ZEB2: variants seen among roughly 807,000 people sequenced by gnomAD.
The protein encoded by ZEB2 is zinc finger E-box binding homeobox 2, also known as zinc finger E-box-binding homeobox 2.
ZEB2 carries 6 observed loss-of-function variants against 99.9 expected under a neutral mutation model. The ratio of observed to expected loss-of-function variants is 0.06; its 90% CI spans 0.03 to 0.12. ZEB2 has a LOEUF of 0.12. Ranked by LOEUF, ZEB2 falls within the 10% of genes least tolerant of loss-of-function variation. The pLI, the probability that ZEB2 is intolerant of heterozygous loss-of-function variation, is 1.00. For missense variants in ZEB2, 969 were observed against 1,502.8 expected, an observed-to-expected ratio of 0.64 and a Z score of 5.87; for synonymous variants, 517 against 542.5, an observed-to-expected ratio of 0.95 and a Z score of 0.65.
intron 2 of ZEB2, among the ~76,000 whole-genome samples, chr2:144,453,022 C>G (rs936482189): frequency 7.9e-5 from 12 of 152,096 alleles, no homozygotes; most frequent in African/African-American, 2.2e-4. Context: ...AGTCTATCAT[C>G]TTATTTAGTT....
chr2:144,498,826 A>C (rs1704827859), intron 2 of ZEB2, among the ~76,000 whole-genome samples: 1 of 152,182 alleles, frequency 6.6e-6, no homozygotes. Context: ...AGATCCCTTG[A>C]GCCCAGGAAT....
chr2:144,436,999 T>G (rs1009489224), intron 2 of ZEB2, among the ~76,000 whole-genome samples: 1 of 152,216 alleles, frequency 6.6e-6, no homozygotes, highest in African/African-American at 2.4e-5. Context: ...CCTGTATATC[T>G]AGGACTCATA....
intron 2 of ZEB2, among the ~76,000 whole-genome samples, chr2:144,509,114 A>G (rs1327527741): frequency 6.6e-6 from 1 of 152,216 alleles, no homozygotes; most frequent in East Asian, 1.9e-4. Flanking sequence ...AAACTGCTAG[A>G]GCCAGAATTC....
In ZEB2 at chr2:144,399,525, T is replaced by C. The variant is rs925979597; in HGVS notation, c.1662A>G (p.Ile554Met). The C allele has an allele frequency of 4.3e-6, 7 of 1,614,096 alleles. No homozygotes were observed. The highest frequency in any genetic ancestry group is 5.9e-6 in the Non-Finnish European group (7 of 1,180,030). Residue 554 changes from isoleucine (I) to methionine (M), a missense_variant, in exon 8 of 10, where the codon ATA (isoleucine) becomes ATG (methionine). Ile to Met is a conservative substitution (Grantham distance 10). Around this residue, in one of 8 missense-constraint regions of ZEB2, gnomAD observed 227 missense variants for 278.2 expected, o/e 0.82. Coordinates refer to ENST00000627532, the MANE Select transcript of ZEB2 (RefSeq NM_014795.4). This position sits in a 1 kb window ranked among gnomAD's most constrained non-coding sequence, Gnocchi z 5.6. ...TTAAAGTACGTAGCTTCTCTTTCTTTATATTACTGATCTGTCTCCTTGAGT... is the reference window on the plus strand; with the variant it reads ...TTAAAGTACGTAGCTTCTCTTTCTTCATATTACTGATCTGTCTCCTTGAGT... ...TTDSRRQISN[I>M]KKEKLRTLID... is the part of the protein sequence containing the mutation.
chr2:144,415,063 AT>A (rs541312850), intron 4 of ZEB2, among the ~76,000 whole-genome samples: 138 of 134,708 alleles, frequency 1.0e-3, no homozygotes, highest in East Asian at 3.8e-3. Flanking sequence ...TTATTCTTAC[AT>A]TTTTTTTTTT....
chr2:144,408,078 A>C (rs1703411525), intron 4 of ZEB2, among the ~76,000 whole-genome samples: 1 of 152,202 alleles, frequency 6.6e-6, no homozygotes, highest in Non-Finnish European at 1.5e-5. Flanking sequence ...GAGGTAATTC[A>C]ATTGCTAGAT....
intron 2 of ZEB2, among the ~76,000 whole-genome samples, chr2:144,476,103 C>A (rs1039212253): frequency 1.3e-5 from 2 of 152,174 alleles, no homozygotes; most frequent in African/African-American, 4.8e-5. Context: ...TTACTTACTG[C>A]TCCTGTGTAC....
chr2:144,488,558 CT>C lies in ZEB2; in HGVS notation c.73+28719del, dbSNP rs529777847. Reference sequence around the variant, plus strand: ...TTAATTAAAGGAAGAAAATCCATGACTTTTTTTTTTGGATGTATTGTCATTC... The same window carrying C: ...TTAATTAAAGGAAGAAAATCCATGACTTTTTTTTTGGATGTATTGTCATTC... On this transcript the variant is annotated intron_variant, in intron 2 of 9. Transcript: ENST00000627532. Among the ~76,000 whole-genome samples, 435 of 147,950 alleles carry C rather than the reference CT, an allele frequency of 2.9e-3. 1 individual carries two copies. Among genetic ancestry groups the C allele is most frequent in the Non-Finnish European group, 5.2e-3 (346 of 66,620 alleles).
intron 2 of ZEB2, among the ~76,000 whole-genome samples, chr2:144,446,465 C>A (rs76130508): frequency 6.6e-6 from 1 of 151,914 alleles, no homozygotes; most frequent in Non-Finnish European, 1.5e-5. Flanking sequence ...AATTAAGTCA[C>A]GTAGTCAATA....
At chr2:144,511,796 AAAG>A in intron 2 of ZEB2, 2 of 1,286,724 alleles carry the variant, frequency 1.6e-6, no homozygotes, top group Non-Finnish European at 2.0e-6. Flanking sequence ...TAAAGACAGA[AAAG>A]AAGTAAAGAG....
intron 9 of ZEB2, 28 bp from the exon 10 acceptor site, chr2:144,390,056 G>A (rs376653666): frequency 1.3e-6 from 2 of 1,596,628 alleles, no homozygotes; most frequent in Non-Finnish European, 1.7e-6. Context: ...ATGACAGGGT[G>A]ATTAGTGTCT....
chr2:144,461,096 T>TTTA (rs1704187211), intron 2 of ZEB2: 1 of 33,522 alleles, frequency 3.0e-5, no homozygotes, highest in Non-Finnish European at 7.5e-5. Flanking sequence ...TTCTTTTCTT[T>TTTA]TTCTTTTTTT....
chr2:144,401,080 G>A, intron 7 of ZEB2, 119 bp downstream of exon 7: 1 of 898,132 alleles, frequency 1.1e-6, no homozygotes, highest in Admixed American at 1.9e-5. Flanking sequence ...CAGAGTTGAT[G>A]AAATAAATAG....
intron 2 of ZEB2, among the ~76,000 whole-genome samples, chr2:144,443,924 C>T (rs1164207676): frequency 2.0e-5 from 3 of 151,788 alleles, no homozygotes; most frequent in Non-Finnish European, 2.9e-5. Context: ...GATGACATAG[C>T]AATTTTTCCA....
chr2:144,501,909 A>G (rs1446375228), intron 2 of ZEB2, among the ~76,000 whole-genome samples: 1 of 152,210 alleles, frequency 6.6e-6, no homozygotes, highest in African/African-American at 2.4e-5. Flanking sequence ...TGTCTTTCTC[A>G]TGCCTGATGT....
At chr2:144,440,895 T>G (rs1703907412) in intron 2 of ZEB2, among the ~76,000 whole-genome samples, 1 of 151,634 alleles carries the variant, frequency 6.6e-6, no homozygotes, top group African/African-American at 2.4e-5. Context: ...AATGTTCAAA[T>G]AATTGGGGGT....
chr2:144,427,327 G>A (rs142947941), intron 3 of ZEB2: 13 of 152,268 alleles, frequency 8.5e-5, no homozygotes, highest in South Asian at 2.1e-4. Context: ...TGCTGGAACC[G>A]GAAAGGCACA....
intron 1 of ZEB2, 142 bp from the exon 2 acceptor site, chr2:144,517,561 T>TCCCCC: frequency 3.4e-6 from 1 of 297,666 alleles, no homozygotes; most frequent in South Asian, 2.3e-5. Flanking sequence ...GGCGGCCCCC[T>TCCCCC]CCCCGCCCCC....
intron 2 of ZEB2, among the ~76,000 whole-genome samples, chr2:144,490,226 CAAGTT>C (rs1212827794): frequency 6.6e-6 from 1 of 152,180 alleles, no homozygotes; most frequent in African/African-American, 2.4e-5. Context: ...TGACATCAGT[CAAGTT>C]ATTTAACTTT....
Sources: allele counts gnomAD v4.1 joint callset (sites outside exome capture counted in the v4.1 genomes callset), GRCh38; gene constraint gnomAD v4.1.1; regional missense constraint gnomAD v4.1.1; non-coding constraint Gnocchi (gnomAD v3.1); transcripts MANE v1.5; gene names NCBI Gene and HGNC (gene_info 2026-07-23, HGNC 2026-07-21).